PTPRT: variants seen among roughly 807,000 people sequenced by gnomAD.
The protein encoded by PTPRT is protein tyrosine phosphatase receptor type T.
Under a neutral mutation model 176.8 loss-of-function variants are expected in PTPRT, and 56 were observed. The observed-to-expected ratio is 0.32, with a 90% CI of 0.26 to 0.40. The LOEUF is 0.40. PTPRT is among the 10% of genes least tolerant of loss of function. The pLI is 1.00. For missense variants in PTPRT, 1,540 were observed against 1,908.2 expected (o/e 0.81, Z 3.60); for synonymous variants, 783 against 739.0 (o/e 1.06, Z -0.96).
At position 42,881,682 on chromosome 20, in the gene PTPRT, G is replaced by A. The variant is rs140082114; in HGVS notation, c.214+4125C>T. Among the ~76,000 whole-genome samples, 186 of 130,064 alleles carry A rather than the reference G, an allele frequency of 1.4e-3. 2 individuals are homozygous for A. In the East Asian group the frequency reaches 0.038, roughly 27 times the overall value. 85.3% of individuals were successfully genotyped at this position (130,064 alleles called of 152,430 possible). A position where few individuals can be genotyped will look rare whatever the true frequency, so the allele number is the denominator to read the frequency against. ...GGAGGCTGCAGTGAGCTGAGATAAC[G>A]CCACAGCACTCCAGCCTGGGCAACA... On this transcript the variant is annotated intron_variant, in intron 2 of 30. Coordinates refer to ENST00000373187, the MANE Select transcript of PTPRT (RefSeq NM_007050.6).
At chr20:42,440,028 T>C (rs2059298157) in intron 9 of PTPRT, among the ~76,000 whole-genome samples, 1 of 152,170 alleles carries the variant, frequency 6.6e-6, no homozygotes, top group Admixed American at 6.5e-5. Flanking sequence ...TGCCTCAGCC[T>C]CCCAAGTAGC....
chr20:42,174,400 CAGCA>C (rs1037512736), intron 16 of PTPRT, among the ~76,000 whole-genome samples: 19 of 152,194 alleles, frequency 1.2e-4, no homozygotes, highest in Non-Finnish European at 1.9e-4. Context: ...TTGATTGAGG[CAGCA>C]AGCACAAGAA....
intron 9 of PTPRT, among the ~76,000 whole-genome samples, chr20:42,419,728 C>A (rs1332231940): frequency 2.0e-5 from 3 of 152,140 alleles, no homozygotes; most frequent in Non-Finnish European, 4.4e-5. Context: ...AGTAGAGGAT[C>A]ACCTGAAGAC....
At chr20:42,960,600 G>A (rs908825283) in intron 1 of PTPRT, among the ~76,000 whole-genome samples, 2 of 152,056 alleles carry the variant, frequency 1.3e-5, no homozygotes, top group African/African-American at 4.8e-5. Context: ...TTCTCTCTGG[G>A]TATGTGTAGT....
Position 42,791,253 on chromosome 20 carries a change from G to T in PTPRT, c.428C>A (p.Thr143Asn). ...GAGCTCTGCCTTCACCCAGCCCTCA[G>T]TGACGACCCCGGACACATTCCACAC... ...NPVWNVSGVV[T>N]EGWVKAELAI... The change falls in exon 3 of 31, where the codon ACT (threonine) becomes AAT (asparagine). Residue 143 changes from threonine (T) to asparagine (N), a missense_variant. Physicochemically the swap from Thr to Asn is moderately conservative, Grantham distance 65 (BLOSUM62 0). Coordinates refer to ENST00000373187, the MANE Select transcript of PTPRT (RefSeq NM_007050.6). 6.2e-7 allele frequency: 1 copy of T among 1,612,444 alleles called. No individual in the cohort carries two copies. The highest frequency in any genetic ancestry group is 8.5e-7 in the Non-Finnish European group (1 of 1,178,586).
intron 6 of PTPRT, among the ~76,000 whole-genome samples, chr20:42,736,164 T>C (rs752516891): frequency 3.2e-4 from 48 of 152,136 alleles, no homozygotes; most frequent in Non-Finnish European, 6.6e-4. Context: ...GGGCATGTAA[T>C]ATAGTTTACA....
At chr20:42,270,566 G>C (rs1278800461) in intron 13 of PTPRT, 9 of 819,052 alleles carry the variant, frequency 1.1e-5, no homozygotes, top group African/African-American at 3.4e-5. Context: ...TGGCTCTGAA[G>C]AGCTCACACT....
rs2075539283 is a variant in PTPRT at position 42,678,086 on chromosome 20, G to A, written c.933C>T (p.Ala311=). The change falls in exon 7 of 31, where the codon GCC becomes GCT. Residue 311 remains alanine, a synonymous_variant. Transcript: ENST00000373187. The part of the protein sequence containing the change: ...GATYLWIKPN[A]NSIIGDGPII... ...TGGGGCCATCCCCGATGATGGAGTT[G>A]GCATTTGGCTTGATCCACAGGTATG... The A allele has an allele frequency of 6.2e-7, 1 of 1,614,052 alleles. No homozygotes were observed. The highest frequency in any genetic ancestry group is 1.7e-5 in the Admixed American group (1 of 60,008).
chr20:42,645,688 A>G (rs1004651612), intron 7 of PTPRT, among the ~76,000 whole-genome samples: 1 of 151,956 alleles, frequency 6.6e-6, no homozygotes, highest in African/African-American at 2.4e-5. Context: ...CTGGGAATAG[A>G]GGAAAGCCAC....
In PTPRT at chr20:42,445,618, C is replaced by T. The variant is rs760871837; in HGVS notation, c.1560+2602G>A. Among the ~76,000 whole-genome samples, 14 of 152,150 alleles carry T rather than the reference C, an allele frequency of 9.2e-5. No individual in the cohort carries two copies. In the East Asian group the frequency reaches 1.5e-3, roughly 17 times the overall value. On this transcript the variant is annotated intron_variant, in intron 9 of 30. Coordinates refer to ENST00000373187, the MANE Select transcript of PTPRT (RefSeq NM_007050.6). ...ATCCCTCAATAATTTTGGCATATTC[C>T]GCAAAAGTAGCCTCAAATGCTTACA...
At chr20:42,250,387 A>G (rs1481941346) in intron 13 of PTPRT, among the ~76,000 whole-genome samples, 2 of 152,214 alleles carry the variant, frequency 1.3e-5, no homozygotes, top group Non-Finnish European at 2.9e-5. Context: ...TCATTTATTC[A>G]TAGAACTCAG....
At chr20:42,062,202 G>C in the PTPRT span, among the ~76,000 whole-genome samples, 1 of 152,158 alleles carries the variant, frequency 6.6e-6, no homozygotes, top group Non-Finnish European at 1.5e-5. Context: ...TTCCTTTATG[G>C]GCAGCATTAA....
chr20:42,821,802 C>T (rs1049700668), intron 2 of PTPRT, among the ~76,000 whole-genome samples: 1 of 152,092 alleles, frequency 6.6e-6, no homozygotes, highest in Non-Finnish European at 1.5e-5. Context: ...GAATGAACTC[C>T]CATTCACAAT....
intron 1 of PTPRT, among the ~76,000 whole-genome samples, chr20:43,132,189 A>C (rs1466694513): frequency 6.6e-6 from 1 of 152,184 alleles, no homozygotes; most frequent in Non-Finnish European, 1.5e-5. Flanking sequence ...AGAACAAAAT[A>C]ATATAATGAA....
chr20:42,602,041 G>A (rs2073791889), intron 7 of PTPRT, among the ~76,000 whole-genome samples: 1 of 152,100 alleles, frequency 6.6e-6, no homozygotes, highest in Non-Finnish European at 1.5e-5. Flanking sequence ...AAATAATACA[G>A]GGCTCCATGC....
chr20:42,538,539 CTAA>C (rs2072517030), intron 7 of PTPRT, among the ~76,000 whole-genome samples: 1 of 152,158 alleles, frequency 6.6e-6, no homozygotes, highest in Non-Finnish European at 1.5e-5. Flanking sequence ...CTAATTGCCA[CTAA>C]TGTGATTAGC....
intron 9 of PTPRT, among the ~76,000 whole-genome samples, chr20:42,373,674 T>C (rs2058616351): frequency 6.6e-6 from 1 of 152,246 alleles, no homozygotes; most frequent in East Asian, 1.9e-4. Context: ...GACTTGACCC[T>C]GACCACAATT....
At chr20:42,854,573 A>G (rs1026675490) in intron 2 of PTPRT, among the ~76,000 whole-genome samples, 9 of 152,242 alleles carry the variant, frequency 5.9e-5, no homozygotes, top group African/African-American at 2.2e-4. Context: ...GAAGCAGAGT[A>G]ACAGACCAGT....
At chr20:42,239,512 T>A (rs990331203) in intron 14 of PTPRT, among the ~76,000 whole-genome samples, 3 of 133,932 alleles carry the variant, frequency 2.2e-5, no homozygotes, top group African/African-American at 8.5e-5. Context: ...AAGCTCCACC[T>A]CCCGGGTCCA....
Sources: gnomAD v4.1 joint callset for allele counts (sites outside exome capture counted in the v4.1 genomes callset) on GRCh38, gnomAD v4.1.1 for gene constraint, MANE v1.5 for transcripts, NCBI Gene and HGNC (gene_info 2026-07-23, HGNC 2026-07-21) for gene names.